Variants in PAFAH1B2 observed in about 807,000 individuals in gnomAD.
PAFAH1B2 encodes the protein platelet-activating factor acetylhydrolase IB subunit alpha2.
PAFAH1B2 carries 8 observed loss-of-function variants against 28.0 expected under a neutral mutation model. That is an observed-to-expected ratio of 0.29 (90% CI 0.17 to 0.52). The LOEUF is 0.52. PAFAH1B2 is among the 20% of genes least tolerant of loss of function. PAFAH1B2 has a pLI of 0.97. For missense variants in PAFAH1B2, 190 were observed against 282.6 expected (o/e 0.67, Z 2.35); for synonymous variants, 104 against 103.2 (o/e 1.01, Z -0.05).
In PAFAH1B2 at chr11:117,152,347, T is replaced by C. The variant is rs531776992; in HGVS notation, c.-7-94T>C. On this transcript the variant is annotated intron_variant, in intron 1 of 5. Transcript: ENST00000527958. ...GTTTCTAGGCAAACCACATAAAACT[T>C]TAATTATTATTTAAAGCCTGATGTG... 4.7e-5 allele frequency: 34 copies of C among 727,302 alleles called. 1 individual carries two copies. The East Asian group carries it at 8.5e-4, about 18-fold the overall frequency. 45.1% of individuals were successfully genotyped at this position (727,302 alleles called of 1,614,324 possible). A position where few individuals can be genotyped will look rare whatever the true frequency, so the allele number is the denominator to read the frequency against.
Position 117,169,924 on chromosome 11 carries a change from A to T in PAFAH1B2, c.*2225A>T. The stretch of plus-strand genomic sequence containing the variant: ...TAGCTTCTCTCTTGACTGAGGATCA[A>T]ATATCCCTTTGTGAGCTGGCCCTCA... On this transcript the variant is annotated 3_prime_UTR_variant, in exon 6 of 6. Transcript: ENST00000527958. The T allele has an allele frequency of 7.6e-6, 8 of 1,053,714 alleles. No homozygotes were observed. Among genetic ancestry groups the T allele is most frequent in the Non-Finnish European group, 9.2e-6 (8 of 871,972 alleles). The allele number at this position is 1,053,714 out of a possible 1,614,324, so 65.3% of individuals were successfully genotyped here.
At chr11:117,155,707 C>T (rs1303515092) in intron 2 of PAFAH1B2, among the ~76,000 whole-genome samples, 2 of 151,558 alleles carry the variant, frequency 1.3e-5, no homozygotes, top group African/African-American at 2.4e-5. Context: ...TATATATATC[C>T]CTTTATCACA....
exon 6 of PAFAH1B2, chr11:117,176,709 T>G (rs897860164): frequency 6.4e-6 from 1 of 155,382 alleles, no homozygotes; most frequent in African/African-American, 2.4e-5. Flanking sequence ...AAACCCCGCT[T>G]TACTAAAAAT....
At chr11:117,174,721 G>A (rs189701425), downstream of PAFAH1B2, among the ~76,000 whole-genome samples, 18 of 151,714 alleles carry the variant, frequency 1.2e-4, no homozygotes, top group African/African-American at 4.1e-4. Context: ...CAGGTGATCC[G>A]TCCACCTTGG....
At chr11:117,174,284 A>C (rs1956733561), downstream of PAFAH1B2, among the ~76,000 whole-genome samples, 1 of 150,954 alleles carries the variant, frequency 6.6e-6, no homozygotes, top group African/African-American at 2.4e-5. Context: ...CCCAGGTTCA[A>C]GTGATTCTCC....
downstream of PAFAH1B2, among the ~76,000 whole-genome samples, chr11:117,174,494 C>T (rs201960479): frequency 4.2e-5 from 6 of 143,640 alleles, no homozygotes; most frequent in Non-Finnish European, 4.5e-5. Context: ...ATTTTTTTTT[C>T]TTTTTTTTTA....
In PAFAH1B2 at chr11:117,168,356, A is replaced by C; in HGVS notation, c.*657A>C. On this transcript the variant is annotated 3_prime_UTR_variant, in exon 6 of 6. Transcript: ENST00000527958. ...AGGGTATTATTTTTTATGCTGCTGA[A>C]TATCATGTCTATAATAGACCCGTGC... 1 of 1,060,910 alleles carries C rather than the reference A, an allele frequency of 9.4e-7. No homozygotes were observed. Among genetic ancestry groups the C allele is most frequent in the Non-Finnish European group, 1.1e-6 (1 of 877,228 alleles). 65.7% of individuals were successfully genotyped at this position (1,060,910 alleles called of 1,614,324 possible).
exon 6 of PAFAH1B2, chr11:117,176,864 G>GA (rs1282595928): frequency 7.6e-6 from 1 of 131,582 alleles, no homozygotes; most frequent in Non-Finnish European, 1.6e-5. Context: ...GTGACAGTGA[G>GA]ACTCCATCTC....
intron 1 of PAFAH1B2, among the ~76,000 whole-genome samples, chr11:117,145,034 G>A (rs1041293352): frequency 6.6e-6 from 1 of 152,172 alleles, no homozygotes; most frequent in Non-Finnish European, 1.5e-5. Flanking sequence ...TTCAAAAGTT[G>A]CATAGACCGT....
chr11:117,150,686 C>T (rs542465358), intron 1 of PAFAH1B2, among the ~76,000 whole-genome samples: 24 of 152,152 alleles, frequency 1.6e-4, no homozygotes, highest in African/African-American at 5.8e-4. Context: ...GAATATAACT[C>T]GATCTTCTTT....
chr11:117,177,276 T>C (rs1174291863), downstream of PAFAH1B2, among the ~76,000 whole-genome samples: 1 of 152,212 alleles, frequency 6.6e-6, no homozygotes, highest in Non-Finnish European at 1.5e-5. Flanking sequence ...TAAATCTTTT[T>C]AAATATAAAA....
downstream of PAFAH1B2, chr11:117,175,961 G>A (rs1408428536): frequency 1.3e-6 from 2 of 1,525,418 alleles, no homozygotes; most frequent in African/African-American, 1.4e-5. Flanking sequence ...CAGATGGACT[G>A]AGGAAATCCT....
In PAFAH1B2 at chr11:117,144,343, CG is replaced by C; in HGVS notation, c.-80del. The C allele has an allele frequency of 2.4e-6, 1 of 420,758 alleles. No individual in the cohort carries two copies. The highest frequency in any genetic ancestry group is 4.8e-6 in the Non-Finnish European group (1 of 207,348). The allele number at this position is 420,758 out of a possible 1,614,324, so 26.1% of individuals were successfully genotyped here. ...GAGGGACGCGCCGGAGCGGGACCGA[CG>C]GGACCGAGCGAGCGACCGACGCGCC... On this transcript the variant is annotated 5_prime_UTR_variant, in exon 1 of 6. Transcript: ENST00000527958.
At chr11:117,175,341 T>C (rs2029913133), downstream of PAFAH1B2, 1 of 1,069,144 alleles carries the variant, frequency 9.4e-7, no homozygotes, top group Non-Finnish European at 1.1e-6. Flanking sequence ...AGGCATTCTC[T>C]CCCAGTGGAC....
chr11:117,147,006 C>T (rs771665125), intron 1 of PAFAH1B2, among the ~76,000 whole-genome samples: 6 of 151,670 alleles, frequency 4.0e-5, no homozygotes, highest in South Asian at 2.1e-4. Flanking sequence ...TGGTGGCTCA[C>T]GCCTGTAATC....
At chr11:117,177,854 G>C (rs1421151003), downstream of PAFAH1B2, among the ~76,000 whole-genome samples, 1 of 152,152 alleles carries the variant, frequency 6.6e-6, no homozygotes, top group Non-Finnish European at 1.5e-5. Flanking sequence ...TGTTTATTTA[G>C]TGTCATATCC....
Position 117,160,873 on chromosome 11 carries a change from G to A in PAFAH1B2, c.172-272G>A, listed in dbSNP as rs1956356408. Reference sequence around the variant, plus strand: ...CTGTAGTTCAATAAGTGGAAAGGAGGGTTTGTTGAGTTGACAGCTTAATTA... The same window carrying A: ...CTGTAGTTCAATAAGTGGAAAGGAGAGTTTGTTGAGTTGACAGCTTAATTA... On this transcript the variant is annotated intron_variant, in intron 3 of 5. Coordinates refer to ENST00000527958, the MANE Select transcript of PAFAH1B2 (RefSeq NM_002572.4). Among the ~76,000 whole-genome samples, 3 of 152,136 alleles carry A rather than the reference G, an allele frequency of 2.0e-5. No homozygotes were observed. The South Asian group carries it at 6.2e-4, about 32-fold the overall frequency.
At position 117,168,465 on chromosome 11, in the gene PAFAH1B2, T is replaced by TTTTTTTTTTTTTC. The variant is rs1372121131; in HGVS notation, c.*772_*773insTTTTTTCTTTTTT. 2 of 990,764 alleles carry TTTTTTTTTTTTTC rather than the reference T, an allele frequency of 2.0e-6. No homozygotes were observed. Among genetic ancestry groups the TTTTTTTTTTTTTC allele is most frequent in the African/African-American group, 3.6e-5 (2 of 55,136 alleles). The allele number at this position is 990,764 out of a possible 1,614,324, so 61.4% of individuals were successfully genotyped here. A position where few individuals can be genotyped will look rare whatever the true frequency, so the allele number is the denominator to read the frequency against. On this transcript the variant is annotated 3_prime_UTR_variant, in exon 6 of 6. Transcript: ENST00000527958. ...CACCCCGTTTTTTTTTTTTTTTTTTTTTTTTTGGTTCTTGTTGACATTACA... is the reference window on the plus strand; with the variant it reads ...CACCCCGTTTTTTTTTTTTTTTTTTTTTTTTTTTTTTTCTTTTTTGGTTCTTGTTGACATTACA...
At chr11:117,149,411 T>TA (rs1182877383) in intron 1 of PAFAH1B2, among the ~76,000 whole-genome samples, 15 of 147,840 alleles carry the variant, frequency 1.0e-4, no homozygotes, top group African/African-American at 3.7e-4. Flanking sequence ...GAATTTAATT[T>TA]AAAAAAAGTT....
Sources: allele counts gnomAD v4.1 joint callset (sites outside exome capture counted in the v4.1 genomes callset), GRCh38; gene constraint gnomAD v4.1.1; transcripts MANE v1.5; gene names NCBI Gene and HGNC (gene_info 2026-07-23, HGNC 2026-07-21).